RIF1: variants seen among roughly 807,000 people sequenced by gnomAD.
RIF1 encodes replication timing regulatory factor 1, also known as telomere-associated protein RIF1.
In RIF1, 45 loss-of-function variants were observed where a neutral mutation model predicts 247.1. That is an observed-to-expected ratio of 0.18 (90% CI 0.14 to 0.23). The LOEUF is 0.23. RIF1 is among the 10% of genes least tolerant of loss of function. RIF1 has a pLI of 1.00. For synonymous variants in RIF1, 1,087 were observed against 978.8 expected (o/e 1.11, Z -2.06); for missense variants, 2,967 against 2,862.5 (o/e 1.04, Z -0.83).
chr2:151,447,204 A>G (rs111804938), intron 20 of RIF1, among the ~76,000 whole-genome samples: 20 of 152,140 alleles, frequency 1.3e-4, no homozygotes, highest in African/African-American at 4.8e-4. Flanking sequence ...CGGCCTCCCA[A>G]AGTGCTGGGA....
chr2:151,474,581 C>T (rs904007977), intron 35 of RIF1, among the ~76,000 whole-genome samples: 6 of 152,050 alleles, frequency 3.9e-5, no homozygotes, highest in African/African-American at 9.7e-5. Context: ...GAGGCTGAGG[C>T]GGGAGAATGG....
chr2:151,473,543 G>T (rs1225337102), intron 34 of RIF1, among the ~76,000 whole-genome samples: 1 of 152,008 alleles, frequency 6.6e-6, no homozygotes, highest in Non-Finnish European at 1.5e-5. Flanking sequence ...GCCTCCCAAA[G>T]TGCTGGAATT....
intron 11 of RIF1, among the ~76,000 whole-genome samples, chr2:151,436,408 A>G (rs1691216001): frequency 6.6e-6 from 1 of 151,950 alleles, no homozygotes; most frequent in Non-Finnish European, 1.5e-5. Flanking sequence ...GCACAGTGGT[A>G]TCCATCCATC....
chr2:151,416,380 C>T (rs570108870), intron 4 of RIF1, among the ~76,000 whole-genome samples, 181 bp from the exon 5 acceptor site: 1 of 152,214 alleles, frequency 6.6e-6, no homozygotes, highest in East Asian at 1.9e-4. Context: ...TATATCCTCC[C>T]CTCTAATCTG....
the RIF1 span, chr2:151,513,476 A>G: frequency 6.3e-6 from 5 of 789,646 alleles, no homozygotes; most frequent in Non-Finnish European, 8.2e-6. Flanking sequence ...ATGCCATTGT[A>G]TGCATGTGAC....
Position 151,497,728 on chromosome 2 carries a change from A to G in RIF1, c.*514-1617A>G, listed in dbSNP as rs1061322. The G allele has an allele frequency of 5.0e-5, 78 of 1,566,266 alleles. 1 individual carries two copies. The highest frequency in any genetic ancestry group is 3.7e-4 in the South Asian group (31 of 84,736). On this transcript the variant is annotated intron_variant and NMD_transcript_variant, in intron 10 of 13. Coordinates refer to the RIF1 transcript ENST00000454583. ...TTTCTTTGTATAACACCTGTGCGAT[A>G]AGAAAGCATCCAGAAAAACAACCAT...
rs147524937 is a variant in RIF1, at chr2:151,464,323, A to T, written c.4803A>T (p.Ser1601=). The T allele has an allele frequency of 3.1e-6, 5 of 1,610,254 alleles. No homozygotes were observed. Among genetic ancestry groups the T allele is most frequent in the Non-Finnish European group, 4.2e-6 (5 of 1,179,056 alleles). The part of the protein sequence containing the change: ...KQECIKAENQ[S]HDYKATSEED... Reference sequence around the variant, plus strand: ...AATGTATAAAAGCTGAAAATCAGTCACATGATTATAAAGCAACTTCTGAAG... The same window carrying T: ...AATGTATAAAAGCTGAAAATCAGTCTCATGATTATAAAGCAACTTCTGAAG... The change falls in exon 30 of 36, where the codon TCA becomes TCT. Residue 1601 remains serine, a synonymous_variant. Coordinates refer to ENST00000444746, the MANE Select transcript of RIF1 (RefSeq NM_018151.5).
chr2:151,480,807 T>C lies in RIF1; in HGVS notation c.*5736T>C, dbSNP rs1292118730. ...ATAGGAAGTTTCTAAAAGAAAACAA[T>C]TAAGAGCAAAATTGGTTTTGAGTAT... On this transcript the variant is annotated 3_prime_UTR_variant, in exon 36 of 36. Coordinates refer to ENST00000444746, the MANE Select transcript of RIF1 (RefSeq NM_018151.5). 6.7e-6 allele frequency: 1 copy of C among 150,180 alleles called. No individual in the cohort carries two copies. 9.3% of individuals were successfully genotyped at this position (150,180 alleles called of 1,614,324 possible).
chr2:151,428,705 T>C, intron 8 of RIF1, 79 bp from the exon 9 acceptor site: 1 of 1,114,628 alleles, frequency 9.0e-7, no homozygotes, highest in Non-Finnish European at 1.4e-6. Flanking sequence ...ATCTGTTAAG[T>C]GAATGAATAA....
At chr2:151,483,788 C>G (rs1248472274), downstream of RIF1, among the ~76,000 whole-genome samples, 1 of 152,178 alleles carries the variant, frequency 6.6e-6, no homozygotes, top group Non-Finnish European at 1.5e-5. Context: ...ACCACCTGAG[C>G]TCTGCCTCCT....
At chr2:151,524,326 G>A in the RIF1 span, 2 of 1,613,790 alleles carry the variant, frequency 1.2e-6, no homozygotes, top group Non-Finnish European at 1.7e-6. Flanking sequence ...TGCTCAGCTT[G>A]GCTGCCTTCT....
At chr2:151,518,368 C>T in the RIF1 span, 17 of 1,612,446 alleles carry the variant, frequency 1.1e-5, no homozygotes, top group Middle Eastern at 1.6e-4. Flanking sequence ...TCCAGATTAT[C>T]GGGTATGGTG....
chr2:151,474,673 C>G (rs2048839933), intron 35 of RIF1, among the ~76,000 whole-genome samples, 184 bp from the exon 36 acceptor site: 1 of 152,154 alleles, frequency 6.6e-6, no homozygotes, highest in Non-Finnish European at 1.5e-5. Context: ...GAGGCTCCAT[C>G]TCATAATAAT....
intron 9 of RIF1, among the ~76,000 whole-genome samples, chr2:151,488,191 ATAT>A (rs2052715219): frequency 6.6e-6 from 1 of 152,062 alleles, no homozygotes; most frequent in Admixed American, 6.6e-5. Flanking sequence ...TTCTTTTTCA[ATAT>A]TAATATTTTT....
intron 20 of RIF1, among the ~76,000 whole-genome samples, chr2:151,448,711 G>A (rs754972684): frequency 6.6e-6 from 1 of 152,014 alleles, no homozygotes; most frequent in Non-Finnish European, 1.5e-5. Context: ...GTACTGTCTC[G>A]AAATTGTTTA....
chr2:151,518,793 A>G, the RIF1 span, among the ~76,000 whole-genome samples: 12 of 152,330 alleles, frequency 7.9e-5, no homozygotes, highest in African/African-American at 2.2e-4. Flanking sequence ...GTTACAGACA[A>G]TGGAGAATTG....
rs199807004 is a variant in RIF1 at position 151,422,900 on chromosome 2, A to AT, written c.694-41dup. 2,175 of 965,170 alleles carry AT rather than the reference A, an allele frequency of 2.3e-3. 13 individuals are homozygous for AT. The highest frequency in any genetic ancestry group is 0.017 in the African/African-American group (1,026 of 60,096). 59.8% of individuals were successfully genotyped at this position (965,170 alleles called of 1,614,324 possible). A position where few individuals can be genotyped will look rare whatever the true frequency, so the allele number is the denominator to read the frequency against. On this transcript the variant is annotated intron_variant, in intron 7 of 35. Transcript: ENST00000444746. ...AATTATTCCTAGACTTTGGTATTGGATTTTTTTTTCTAAGAGTCTGTTTGG... is the reference window on the plus strand; with the variant it reads ...AATTATTCCTAGACTTTGGTATTGGATTTTTTTTTTCTAAGAGTCTGTTTGG...
Position 151,446,534 on chromosome 2 carries a change from T to G in RIF1, c.2203T>G (p.Ser735Ala). The G allele has an allele frequency of 6.2e-7, 1 of 1,613,278 alleles. No individual in the cohort carries two copies. The highest frequency in any genetic ancestry group is 8.5e-7 in the Non-Finnish European group (1 of 1,179,906). The change falls in exon 20 of 36, where the codon TCT becomes GCT. Residue 735 changes from serine (S) to alanine (A), a missense_variant. Physicochemically the swap from Ser to Ala is moderately conservative, Grantham distance 99. Transcript: ENST00000444746. ...AEENLCCEEL[S>A]SKIMSSLEDE... is the part of the protein sequence containing the mutation. ...AGAGAACTTGTGCTGTGAGGAACTT[T>G]CTTCCAAGATAATGTCCAGTTTGGA...
chr2:151,461,235 A>T lies in RIF1; in HGVS notation c.3173A>T (p.Asp1058Val). ...DFVFIPPEGK[D>V]AKERILTDHQ... ...GTGTTTATACCTCCAGAAGGAAAAG[A>T]TGCAAAGGAAAGAATATTAACTGAT... Residue 1058 changes from aspartate to valine, a missense_variant, in exon 27 of 36, where the codon GAT (aspartate) becomes GTT (valine). Physicochemically the swap from Asp to Val is radical, Grantham distance 152 (BLOSUM62 -3). Around this residue, in one of 7 missense-constraint regions of RIF1, gnomAD observed 2,028 missense variants for 1,825.6 expected, o/e 1.11. Coordinates refer to ENST00000444746, the MANE Select transcript of RIF1 (RefSeq NM_018151.5). The T allele has an allele frequency of 1.9e-5, 30 of 1,613,714 alleles. No individual in the cohort carries two copies. The highest frequency in any genetic ancestry group is 2.5e-5 in the Non-Finnish European group (30 of 1,179,844).
Sources: gnomAD v4.1 joint callset for allele counts (sites outside exome capture counted in the v4.1 genomes callset) on GRCh38, gnomAD v4.1.1 for gene constraint, gnomAD v4.1.1 regional missense constraint, MANE v1.5 for transcripts, NCBI Gene and HGNC (gene_info 2026-07-23, HGNC 2026-07-21) for gene names.